BFSP2: variants seen among roughly 807,000 people sequenced by gnomAD.
The protein encoded by BFSP2 is beaded filament structural protein 2.
Under a neutral mutation model 44.9 loss-of-function variants are expected in BFSP2, and 38 were observed. The ratio of observed to expected loss-of-function variants is 0.85; its 90% confidence interval spans 0.65 to 1.11. BFSP2 has a LOEUF of 1.11. BFSP2 is among the 50% of genes least tolerant of loss of function. The pLI, the probability that BFSP2 is intolerant of heterozygous loss-of-function variation, is 0.00. For missense variants in BFSP2, 525 were observed against 533.0 expected (o/e 0.99, Z 0.15); for synonymous variants, 197 against 209.9 (o/e 0.94, Z 0.53).
chr3:133,416,001 CTA>C, intron 1 of BFSP2, among the ~76,000 whole-genome samples: 1 of 138,160 alleles, frequency 7.2e-6, no homozygotes, highest in Non-Finnish European at 1.6e-5. Context: ...CCTCTCCCTT[CTA>C]TTCACCCCGT....
At chr3:133,434,464 C>G (rs535862425) in intron 1 of BFSP2, among the ~76,000 whole-genome samples, 1 of 152,022 alleles carries the variant, frequency 6.6e-6, no homozygotes, top group Non-Finnish European at 1.5e-5. Flanking sequence ...ATACCACCCC[C>G]CAAAAATTTT....
chr3:133,435,702 G>T (rs939545752), intron 1 of BFSP2, among the ~76,000 whole-genome samples: 3 of 152,166 alleles, frequency 2.0e-5, no homozygotes, highest in Non-Finnish European at 2.9e-5. Flanking sequence ...ATCAATAATT[G>T]GTCCTCTTCA....
chr3:133,424,212 A>ATTTTTTTTTTTTT (rs112772093), intron 1 of BFSP2, among the ~76,000 whole-genome samples: 1 of 64,718 alleles, frequency 1.5e-5, no homozygotes, highest in African/African-American at 3.6e-5. Context: ...CGTCCAGCTA[A>ATTTTTTTTTTTTT]TTTTTTTTTT....
intron 1 of BFSP2, among the ~76,000 whole-genome samples, chr3:133,426,320 C>CA (rs1215898410): frequency 6.6e-6 from 1 of 152,186 alleles, no homozygotes; most frequent in East Asian, 1.9e-4. Flanking sequence ...GGCTCCACAC[C>CA]TCCCAAAGAT....
At position 133,416,405 on chromosome 3, in the gene BFSP2, C is replaced by T. The variant is rs79936892; in HGVS notation, c.489+15833C>T. ...CCCCTCTACTCACCCCTGCCCTTTC[C>T]CCTCTACTCTCCCCTATACTCAACC... On this transcript the variant is annotated intron_variant, in intron 1 of 6. Transcript: ENST00000302334. 6.2e-3 allele frequency among the ~76,000 whole-genome samples: 919 copies of T among 148,906 alleles called. 9 individuals are homozygous for T. Among genetic ancestry groups the T allele is most frequent in the South Asian group, 0.025 (114 of 4,612 alleles).
chr3:133,463,340 GA>G (rs1360106742), intron 4 of BFSP2, among the ~76,000 whole-genome samples: 1 of 152,112 alleles, frequency 6.6e-6, no homozygotes, highest in Non-Finnish European at 1.5e-5. Flanking sequence ...CTCTAGAGCA[GA>G]AACAAAAGGA....
intron 1 of BFSP2, among the ~76,000 whole-genome samples, chr3:133,424,057 G>T (rs2073619090): frequency 1.3e-5 from 2 of 151,042 alleles, no homozygotes; most frequent in African/African-American, 4.9e-5. Context: ...TTTTGCGGGG[G>T]CGGGGGCGGC....
Position 133,448,537 on chromosome 3 carries a change from C to T in BFSP2, c.621C>T (p.Asn207=), listed in dbSNP as rs763009050. 4.3e-6 allele frequency: 7 copies of T among 1,614,054 alleles called. No homozygotes were observed. Among genetic ancestry groups the T allele is most frequent in the South Asian group, 1.1e-5 (1 of 91,074 alleles). ...PFRKAAEEEI[N]SLYKVIDEAN... ...GAAAGGCGGCAGAAGAGGAAATTAA[C>T]TCTCTGTATAAAGTCATTGATGAGG... The change falls in exon 3 of 7, where the codon AAC becomes AAT. Residue 207 remains asparagine, a synonymous_variant. Coordinates refer to ENST00000302334, the MANE Select transcript of BFSP2 (RefSeq NM_003571.4).
intron 1 of BFSP2, among the ~76,000 whole-genome samples, chr3:133,411,101 C>A (rs1167375647): frequency 1.3e-5 from 2 of 150,770 alleles, no homozygotes; most frequent in Non-Finnish European, 2.9e-5. Flanking sequence ...AAAGCATGAT[C>A]CATCAATTTT....
chr3:133,460,200 C>T (rs939713472), intron 4 of BFSP2, among the ~76,000 whole-genome samples: 4 of 152,138 alleles, frequency 2.6e-5, no homozygotes, highest in Non-Finnish European at 4.4e-5. Flanking sequence ...CCGACAGGTA[C>T]GTTCTCATTT....
intron 4 of BFSP2, among the ~76,000 whole-genome samples, chr3:133,454,776 T>A (rs977161564): frequency 1.3e-5 from 2 of 152,248 alleles, no homozygotes; most frequent in African/African-American, 2.4e-5. Flanking sequence ...AATTTTTGAC[T>A]CTATTATAAT....
chr3:133,429,691 A>T (rs369081259), intron 1 of BFSP2: 5 of 152,208 alleles, frequency 3.3e-5, no homozygotes, highest in African/African-American at 1.2e-4. Context: ...ATTGTATATG[A>T]GGGGACTTCA....
rs374634851 is a variant in BFSP2, at chr3:133,405,965, T to C, written c.489+5393T>C. On this transcript the variant is annotated intron_variant, in intron 1 of 6. Coordinates refer to ENST00000302334, the MANE Select transcript of BFSP2 (RefSeq NM_003571.4). ...CTAAGCCTCTTTATTTATTTTTATT[T>C]ATTTATTTTTTGATATGGAGTCTCA... Among the ~76,000 whole-genome samples, 88 of 152,292 alleles carry C rather than the reference T, an allele frequency of 5.8e-4. 1 individual carries two copies. The highest frequency in any genetic ancestry group is 1.9e-3 in the African/African-American group (78 of 41,558).
In BFSP2 at chr3:133,447,258, G is replaced by T. The variant is rs368945256; in HGVS notation, c.490-59G>T. On this transcript the variant is annotated intron_variant, in intron 1 of 6. Coordinates refer to ENST00000302334, the MANE Select transcript of BFSP2 (RefSeq NM_003571.4). ...TCTGTGCCTAACACAAGTCATGGTG[G>T]TAAGTGATCTTGACGCTCCCAGTGA... 1.5e-5 allele frequency: 24 copies of T among 1,573,194 alleles called. No individual in the cohort carries two copies. In the East Asian group the frequency reaches 2.9e-4, roughly 19 times the overall value.
intron 4 of BFSP2, among the ~76,000 whole-genome samples, chr3:133,460,249 T>A (rs2074050097): frequency 6.6e-6 from 1 of 152,188 alleles, no homozygotes; most frequent in Non-Finnish European, 1.5e-5. Flanking sequence ...GATTTTAGCA[T>A]TTTATAGAGG....
At chr3:133,420,185 A>T (rs1048791503) in intron 1 of BFSP2, among the ~76,000 whole-genome samples, 1 of 152,220 alleles carries the variant, frequency 6.6e-6, no homozygotes, top group African/African-American at 2.4e-5. Context: ...AGAACCCGGG[A>T]CATCTCAGGA....
At chr3:133,429,319 TCA>T (rs1259704346) in intron 1 of BFSP2, 1 of 152,258 alleles carries the variant, frequency 6.6e-6, no homozygotes, top group Non-Finnish European at 1.5e-5. Flanking sequence ...GGGAATTGGC[TCA>T]CACAGTTATG....
chr3:133,411,036 T>C (rs952339875), intron 1 of BFSP2, among the ~76,000 whole-genome samples: 4 of 152,226 alleles, frequency 2.6e-5, no homozygotes, highest in African/African-American at 9.7e-5. Context: ...TCTTGGGAAA[T>C]AGACAAAATG....
intron 4 of BFSP2, among the ~76,000 whole-genome samples, chr3:133,452,221 C>G (rs554679530): frequency 1.9e-4 from 29 of 152,292 alleles, no homozygotes; most frequent in Non-Finnish European, 3.7e-4. Context: ...CTTTCTCCCA[C>G]CATACTCCCT....
Sources: allele counts gnomAD v4.1 joint callset (sites outside exome capture counted in the v4.1 genomes callset), GRCh38; gene constraint gnomAD v4.1.1; transcripts MANE v1.5; gene names NCBI Gene and HGNC (gene_info 2026-07-23, HGNC 2026-07-21).